UBTD2: variants seen among roughly 807,000 people sequenced by gnomAD.
UBTD2 encodes ubiquitin domain-containing protein 2.
Under a neutral mutation model 19.8 loss-of-function variants are expected in UBTD2, and 9 were observed. The observed-to-expected ratio is 0.46, with a 90% CI of 0.27 to 0.79. The LOEUF (loss-of-function observed/expected upper bound fraction) is 0.79, where lower values mean the gene tolerates loss of function less well. UBTD2 is among the 30% of genes least tolerant of loss of function. The probability of loss-of-function intolerance (pLI) is 0.14; values close to 1 mark genes in which losing one functional copy is unlikely to be tolerated. For synonymous variants in UBTD2, 98 were observed against 103.9 expected (o/e 0.94, Z 0.35); for missense variants, 250 against 300.4 (o/e 0.83, Z 1.24).
chr5:172,255,708 G>A (rs568604723), intron 1 of UBTD2, among the ~76,000 whole-genome samples: 5 of 152,282 alleles, frequency 3.3e-5, no homozygotes, highest in East Asian at 3.9e-4. Context: ...GGCGCCGCTC[G>A]CTCAGCAAGT....
At chr5:172,234,837 G>A (rs1344357416) in intron 1 of UBTD2, among the ~76,000 whole-genome samples, 1 of 124,740 alleles carries the variant, frequency 8.0e-6, no homozygotes, top group African/African-American at 3.0e-5. Flanking sequence ...GAGCCTGGGA[G>A]GTTGTGTTTG....
chr5:172,212,205 A>G lies in UBTD2; in HGVS notation c.330T>C (p.Asp110=), dbSNP rs779668487. The G allele has an allele frequency of 6.2e-6, 10 of 1,605,606 alleles. No individual in the cohort carries two copies. Among genetic ancestry groups the G allele is most frequent in the African/African-American group, 1.3e-5 (1 of 74,740 alleles). Residue 110 remains aspartate, a synonymous_variant, in exon 3 of 3, where the codon GAT becomes GAC. Coordinates refer to ENST00000393792, the MANE Select transcript of UBTD2 (RefSeq NM_152277.3). The part of the protein sequence containing the change: ...LPHGALTECY[D]ELGNRYQLPV... Reference sequence around the variant, plus strand: ...GAAGCTGATATCTGTTCCCCAGTTCATCGTAGCACTCTGTAAGTGCACCTT... The same window carrying G: ...GAAGCTGATATCTGTTCCCCAGTTCGTCGTAGCACTCTGTAAGTGCACCTT...
chr5:172,270,093 A>G (rs1339636855), intron 1 of UBTD2, among the ~76,000 whole-genome samples: 1 of 150,446 alleles, frequency 6.6e-6, no homozygotes, highest in Non-Finnish European at 1.5e-5. Context: ...AAAACAAAAA[A>G]ACAAGAGTCA....
chr5:172,272,680 A>G (rs1002969711), intron 1 of UBTD2, among the ~76,000 whole-genome samples: 1 of 152,254 alleles, frequency 6.6e-6, no homozygotes, highest in African/African-American at 2.4e-5. Context: ...TAACATTCTC[A>G]TTAGAGGACT....
At chr5:172,237,065 T>C (rs1772025657) in intron 1 of UBTD2, among the ~76,000 whole-genome samples, 1 of 152,042 alleles carries the variant, frequency 6.6e-6, no homozygotes, top group Non-Finnish European at 1.5e-5. Flanking sequence ...TTAAGGAAAA[T>C]CATTCCAAAT....
intron 1 of UBTD2, among the ~76,000 whole-genome samples, chr5:172,278,402 C>T (rs374660592): frequency 6.6e-6 from 1 of 151,950 alleles, no homozygotes; most frequent in South Asian, 2.1e-4. Context: ...ACCTATAATC[C>T]CAGCTACTCG....
chr5:172,243,080 A>T (rs1350103817), intron 1 of UBTD2, among the ~76,000 whole-genome samples: 1 of 150,184 alleles, frequency 6.7e-6, no homozygotes, highest in African/African-American at 2.5e-5. Context: ...CTCCTGCCTC[A>T]GCCTCCCAAA....
intron 1 of UBTD2, among the ~76,000 whole-genome samples, chr5:172,247,076 C>T (rs753435858): frequency 2.0e-5 from 3 of 151,684 alleles, no homozygotes; most frequent in African/African-American, 7.3e-5. Flanking sequence ...TTTAAAGATT[C>T]GACTACATGC....
At chr5:172,212,260 A>G in intron 2 of UBTD2, 33 bp from the exon 3 acceptor site, 1 of 1,545,366 alleles carries the variant, frequency 6.5e-7, no homozygotes, top group Non-Finnish European at 8.7e-7. Context: ...TAAGAACTTA[A>G]TCCTTAATGA....
Position 172,234,281 on chromosome 5 carries a change from G to C in UBTD2, c.148C>G (p.Leu50Val). Residue 50 changes from leucine to valine, a missense_variant, in exon 2 of 3, where the codon CTA becomes GTA. Coordinates refer to ENST00000393792, the MANE Select transcript of UBTD2 (RefSeq NM_152277.3). ...KSDYPMTDGQ[L>V]RSKRDEFWDT... ...CAAAATTCATCCCTCTTGCTGCGTA[G>C]TTGTCCATCTGTCATAGGATAATCG... 5 of 1,614,174 alleles carry C rather than the reference G, an allele frequency of 3.1e-6. No homozygotes were observed. The highest frequency in any genetic ancestry group is 4.2e-6 in the Non-Finnish European group (5 of 1,180,048).
At chr5:172,241,914 G>A (rs930201041) in intron 1 of UBTD2, among the ~76,000 whole-genome samples, 4 of 152,150 alleles carry the variant, frequency 2.6e-5, no homozygotes, top group African/African-American at 7.2e-5. Flanking sequence ...AGCTACTTGC[G>A]GACTGAGGTG....
intron 2 of UBTD2, among the ~76,000 whole-genome samples, chr5:172,228,077 T>C (rs776327258): frequency 1.3e-5 from 2 of 152,328 alleles, no homozygotes; most frequent in African/African-American, 2.4e-5. Context: ...AAACAAGACT[T>C]ACACACATGC....
At chr5:172,251,278 CACT>C (rs929192101) in intron 1 of UBTD2, among the ~76,000 whole-genome samples, 15 of 147,560 alleles carry the variant, frequency 1.0e-4, no homozygotes, top group Admixed American at 7.4e-4. Context: ...AAGATCACAC[CACT>C]GCACTCCAGC....
At chr5:172,217,176 C>T (rs374842015) in intron 2 of UBTD2, among the ~76,000 whole-genome samples, 2 of 151,826 alleles carry the variant, frequency 1.3e-5, no homozygotes, top group Admixed American at 1.3e-4. Context: ...CTTTGGGAGG[C>T]CAAGGTGGGT....
chr5:172,261,096 G>C (rs1755260034), intron 1 of UBTD2, among the ~76,000 whole-genome samples: 1 of 152,174 alleles, frequency 6.6e-6, no homozygotes, highest in Non-Finnish European at 1.5e-5. Flanking sequence ...ATGAAACTCT[G>C]TATTACAGGA....
Position 172,277,707 on chromosome 5 carries a change from AAAC to A in UBTD2, c.70+5886_70+5888del, listed in dbSNP as rs199911959. 6.9e-4 allele frequency among the ~76,000 whole-genome samples: 105 copies of A among 152,148 alleles called. 1 individual carries two copies. The South Asian group carries it at 0.014, about 20-fold the overall frequency. ...GGTAACAGAGCGAGACTCTATTAAA[AAAC>A]AACAACAACAACAACAACTTTGTAC... On this transcript the variant is annotated intron_variant, in intron 1 of 2. Transcript: ENST00000393792.
intron 1 of UBTD2, among the ~76,000 whole-genome samples, chr5:172,242,084 T>C (rs1450948183): frequency 6.6e-6 from 1 of 152,150 alleles, no homozygotes; most frequent in Admixed American, 6.6e-5. Context: ...CCCCTTTTTT[T>C]CTCTTGCTAT....
intron 1 of UBTD2, among the ~76,000 whole-genome samples, chr5:172,273,301 T>C (rs1011379593): frequency 6.6e-6 from 1 of 151,874 alleles, no homozygotes; most frequent in Non-Finnish European, 1.5e-5. Flanking sequence ...TTTTTAAAAA[T>C]GCCTTCTGGC....
In UBTD2 at chr5:172,283,525, G is replaced by A. The variant is rs1755768431; in HGVS notation, c.70+71C>T. 2.5e-6 allele frequency: 3 copies of A among 1,177,640 alleles called. No individual in the cohort carries two copies. The highest frequency in any genetic ancestry group is 3.2e-6 in the Non-Finnish European group (3 of 928,816). The allele number at this position is 1,177,640 out of a possible 1,614,324, so 72.9% of individuals were successfully genotyped here. A position where few individuals can be genotyped will look rare whatever the true frequency, so the allele number is the denominator to read the frequency against. ...CGCGGGGGCCCGGCGCGGCCCGCGG[G>A]GGTCGGGACAGGTGGCCGGGCCTGG... is the stretch of plus-strand genomic sequence containing the variant. On this transcript the variant is annotated intron_variant, in intron 1 of 2. Coordinates refer to ENST00000393792, the MANE Select transcript of UBTD2 (RefSeq NM_152277.3). This position sits in a 1 kb window ranked among gnomAD's most constrained non-coding sequence, Gnocchi z 4.3.
Sources: gnomAD v4.1 joint callset for allele counts (sites outside exome capture counted in the v4.1 genomes callset) on GRCh38, gnomAD v4.1.1 for gene constraint, Gnocchi (gnomAD v3.1) non-coding constraint, MANE v1.5 for transcripts, NCBI Gene and HGNC (gene_info 2026-07-23, HGNC 2026-07-21) for gene names.